MEF2A: variants seen among roughly 807,000 people sequenced by gnomAD.
MEF2A encodes the protein myocyte enhancer factor 2A.
Under a neutral mutation model 55.8 loss-of-function variants are expected in MEF2A, and 28 were observed. The observed-to-expected ratio is 0.50, with a 90% CI of 0.37 to 0.69. The LOEUF is 0.69. Ranked by LOEUF, MEF2A falls within the 30% of genes least tolerant of loss-of-function variation. The pLI is 0.00. For synonymous variants in MEF2A, 239 were observed against 227.1 expected (o/e 1.05, Z -0.47); for missense variants, 528 against 626.2 (o/e 0.84, Z 1.67).
chr15:99,597,297 G>A (rs1971529013), intron 1 of MEF2A, among the ~76,000 whole-genome samples: 1 of 152,108 alleles, frequency 6.6e-6, no homozygotes, highest in African/African-American at 2.4e-5. Flanking sequence ...TGGCCCCCCG[G>A]GTGTGGTCGT....
chr15:99,682,836 G>C (rs1337383696), intron 7 of MEF2A, among the ~76,000 whole-genome samples: 5 of 152,092 alleles, frequency 3.3e-5, no homozygotes, highest in African/African-American at 1.2e-4. Flanking sequence ...ATATATTTTT[G>C]TCTTTGAGAG....
At chr15:99,643,789 C>T (rs1321707310) in intron 3 of MEF2A, among the ~76,000 whole-genome samples, 3 of 151,886 alleles carry the variant, frequency 2.0e-5, no homozygotes, top group Admixed American at 1.3e-4. Context: ...GACGGGGTTT[C>T]GTAGTGTTAG....
intron 4 of MEF2A, among the ~76,000 whole-genome samples, chr15:99,646,499 A>G (rs2045983407): frequency 6.6e-6 from 1 of 152,010 alleles, no homozygotes; most frequent in South Asian, 2.1e-4. Flanking sequence ...TGGAGGTTTT[A>G]TATTTATTCA....
intron 2 of MEF2A, among the ~76,000 whole-genome samples, chr15:99,611,023 C>G (rs1179635502): frequency 1.3e-5 from 2 of 152,196 alleles, no homozygotes; most frequent in South Asian, 2.1e-4. Flanking sequence ...GGGTGGATCA[C>G]TTGAGGTCAG....
intron 3 of MEF2A, among the ~76,000 whole-genome samples, chr15:99,633,645 T>G (rs971070191): frequency 3.9e-5 from 6 of 152,356 alleles, no homozygotes; most frequent in Non-Finnish European, 8.8e-5. Context: ...ATTGCAAATA[T>G]TTTTAAATTT....
intron 8 of MEF2A, among the ~76,000 whole-genome samples, chr15:99,702,324 CAG>C (rs1288150002): frequency 6.6e-6 from 1 of 151,902 alleles, no homozygotes; most frequent in African/African-American, 2.4e-5. Flanking sequence ...CACAGACTGA[CAG>C]AGAAGCTTAA....
intron 7 of MEF2A, among the ~76,000 whole-genome samples, chr15:99,687,726 C>T (rs1468356551): frequency 1.3e-5 from 2 of 152,144 alleles, no homozygotes; most frequent in Non-Finnish European, 2.9e-5. Flanking sequence ...TGTGTGGTTA[C>T]CTCTAGTTTG....
At chr15:99,573,542 A>T (rs1444579572) in intron 1 of MEF2A, among the ~76,000 whole-genome samples, 1 of 152,154 alleles carries the variant, frequency 6.6e-6, no homozygotes, top group Non-Finnish European at 1.5e-5. Context: ...TGAGGGAAGT[A>T]TTTCCAGTTT....
At chr15:99,632,370 G>A (rs1320595071) in intron 2 of MEF2A, among the ~76,000 whole-genome samples, 1 of 152,192 alleles carries the variant, frequency 6.6e-6, no homozygotes, top group East Asian at 1.9e-4. Context: ...TTGACAAATA[G>A]TGATTTGGCT....
intron 1 of MEF2A, among the ~76,000 whole-genome samples, chr15:99,577,765 A>G (rs1232326990): frequency 6.6e-6 from 1 of 152,148 alleles, no homozygotes; most frequent in African/African-American, 2.4e-5. Context: ...AATCTGTGAT[A>G]TTAACTCATT....
chr15:99,642,220 AGTTTTTTCCCT>A (rs1751026382), intron 3 of MEF2A, among the ~76,000 whole-genome samples: 1 of 152,098 alleles, frequency 6.6e-6, no homozygotes, highest in Admixed American at 6.5e-5. Context: ...CACCAGACTG[AGTTTTTTCCCT>A]TCTTAAAAGT....
chr15:99,641,775 A>C (rs2045019273), intron 3 of MEF2A, among the ~76,000 whole-genome samples: 3 of 152,254 alleles, frequency 2.0e-5, no homozygotes, highest in South Asian at 4.2e-4. Flanking sequence ...TCCAGGCTAC[A>C]AGCCTCCACA....
At chr15:99,607,493 T>G (rs565443080) in intron 2 of MEF2A, among the ~76,000 whole-genome samples, 80 of 152,316 alleles carry the variant, frequency 5.3e-4, no homozygotes, top group Non-Finnish European at 5.6e-4. Context: ...TATTTGATAT[T>G]TGAATCATGA....
intron 4 of MEF2A, among the ~76,000 whole-genome samples, chr15:99,654,581 A>AG (rs58878451): frequency 0.24 from 35,461 of 148,298 alleles, 4,471 homozygotes; most frequent in African/African-American, 0.28. Flanking sequence ...TTAAAAAAAA[A>AG]GGGGGGGGTA....
At chr15:99,703,486 T>G (rs1567494139) in intron 9 of MEF2A, 101 bp downstream of exon 9, 3 of 1,232,828 alleles carry the variant, frequency 2.4e-6, no homozygotes, top group Non-Finnish European at 3.3e-6. Flanking sequence ...GTTACACAAA[T>G]TTTTTTAAAC....
At position 99,651,788 on chromosome 15, in the gene MEF2A, A is replaced by G. The variant is rs112390043; in HGVS notation, c.258+6024A>G. Among the ~76,000 whole-genome samples, 575 of 152,330 alleles carry G rather than the reference A, an allele frequency of 3.8e-3. 5 individuals are homozygous for G. The highest frequency in any genetic ancestry group is 0.013 in the African/African-American group (540 of 41,568). On this transcript the variant is annotated intron_variant, in intron 4 of 11. Coordinates refer to ENST00000557942, the MANE Select transcript of MEF2A (RefSeq NM_001319206.4). ...TTATGTGCTTTGTATAAGGGACTAC[A>G]CGTCTCTAAGTGTGGTTTTTCTTGA... is the stretch of plus-strand genomic sequence containing the variant.
intron 4 of MEF2A, among the ~76,000 whole-genome samples, chr15:99,665,633 C>G (rs1393023088): frequency 2.1e-5 from 3 of 143,690 alleles, no homozygotes; most frequent in Non-Finnish European, 4.5e-5. Flanking sequence ...ACTTTATCAT[C>G]AGAATGAACA....
chr15:99,640,976 C>G (rs996014224), intron 3 of MEF2A, among the ~76,000 whole-genome samples: 11 of 152,182 alleles, frequency 7.2e-5, no homozygotes, highest in Non-Finnish European at 1.5e-4. Flanking sequence ...TGATCCATCT[C>G]TTAACCCACC....
At chr15:99,632,324 G>T (rs1217002025) in intron 2 of MEF2A, among the ~76,000 whole-genome samples, 1 of 152,204 alleles carries the variant, frequency 6.6e-6, no homozygotes, top group East Asian at 1.9e-4. Flanking sequence ...TCATTTAAAT[G>T]CATATTTTTA....
Sources: gnomAD v4.1 joint callset for allele counts (sites outside exome capture counted in the v4.1 genomes callset) on GRCh38, gnomAD v4.1.1 for gene constraint, MANE v1.5 for transcripts, NCBI Gene and HGNC (gene_info 2026-07-23, HGNC 2026-07-21) for gene names.